IQSEC1: variants seen among roughly 807,000 people sequenced by gnomAD.
IQSEC1 encodes IQ motif and Sec7 domain ArfGEF 1, also known as IQ motif and SEC7 domain-containing protein 1.
A neutral mutation model predicts 91.0 loss-of-function variants in IQSEC1; 31 were observed. The observed-to-expected ratio is 0.34, with a 90% confidence interval of 0.26 to 0.46. The LOEUF is 0.46. Among genes scored for constraint, IQSEC1 ranks in the 20% least tolerant of loss-of-function variants. The pLI, the probability that IQSEC1 is intolerant of heterozygous loss-of-function variation, is 1.00. For synonymous variants in IQSEC1, 699 were observed against 662.6 expected (o/e 1.05, Z -0.84); for missense variants, 1,388 against 1,575.6 (o/e 0.88, Z 2.02).
At chr3:13,225,218 C>T (rs1422410061) in intron 1 of IQSEC1, among the ~76,000 whole-genome samples, 1 of 152,218 alleles carries the variant, frequency 6.6e-6, no homozygotes, top group African/African-American at 2.4e-5. Flanking sequence ...GGGGCATGAA[C>T]GTCCCTTTTG....
chr3:13,048,615 C>A (rs1184818298), intron 1 of IQSEC1, among the ~76,000 whole-genome samples: 1 of 152,226 alleles, frequency 6.6e-6, no homozygotes, highest in Non-Finnish European at 1.5e-5. Flanking sequence ...CTTTAGCCTC[C>A]GTTTCCCTAC....
chr3:13,010,802 C>T (rs1196795874), intron 1 of IQSEC1, among the ~76,000 whole-genome samples: 1 of 152,176 alleles, frequency 6.6e-6, no homozygotes, highest in Non-Finnish European at 1.5e-5. Flanking sequence ...GCTCTGGGCC[C>T]CACTTGCCTT....
Position 12,967,150 on chromosome 3 carries a change from G to C in IQSEC1, c.24-25285C>G, listed in dbSNP as rs546678923. Among the ~76,000 whole-genome samples the C allele has an allele frequency of 4.3e-4, 66 of 152,036 alleles. No homozygotes were observed. The highest frequency in any genetic ancestry group is 1.5e-3 in the African/African-American group (64 of 41,476). On this transcript the variant is annotated intron_variant, in intron 1 of 13. Coordinates refer to ENST00000613206, the MANE Select transcript of IQSEC1 (RefSeq NM_001134382.3). The surrounding 1 kb of genome is among the most constrained non-coding windows in gnomAD (Gnocchi z 5.9). Reference sequence around the variant, plus strand: ...GAGACCCTCCCAGGGCACACACAGCGCTCCTGTCCCAAGGGCGCGTCTCTC... The same window carrying C: ...GAGACCCTCCCAGGGCACACACAGCCCTCCTGTCCCAAGGGCGCGTCTCTC...
chr3:13,048,364 G>A (rs1019094580), intron 1 of IQSEC1, among the ~76,000 whole-genome samples: 1 of 152,180 alleles, frequency 6.6e-6, no homozygotes, highest in Non-Finnish European at 1.5e-5. Context: ...CTGCCCACCT[G>A]GGGAGCATCA....
chr3:12,955,949 GCTCT>G (rs753812534), intron 1 of IQSEC1, among the ~76,000 whole-genome samples: 74 of 152,336 alleles, frequency 4.9e-4, no homozygotes, highest in Non-Finnish European at 7.2e-4. Flanking sequence ...CACAAAACAT[GCTCT>G]CTGTGGCCCA....
intron 1 of IQSEC1, among the ~76,000 whole-genome samples, chr3:13,065,882 A>T (rs1285681076): frequency 6.6e-6 from 1 of 152,262 alleles, no homozygotes; most frequent in Non-Finnish European, 1.5e-5. Context: ...GTCCATCCGC[A>T]CAATGGAACA....
chr3:13,188,012 G>A (rs921118816), intron 1 of IQSEC1, among the ~76,000 whole-genome samples: 7 of 152,146 alleles, frequency 4.6e-5, no homozygotes, highest in Non-Finnish European at 1.0e-4. Context: ...ATGGATTCTG[G>A]GGGACACAGA....
rs139021556 is a variant in IQSEC1 at position 13,125,746 on chromosome 3, G to A, written c.302+38358C>T. Among the ~76,000 whole-genome samples the A allele has an allele frequency of 2.9e-3, 435 of 152,320 alleles. 4 individuals carry two copies. Among genetic ancestry groups the A allele is most frequent in the African/African-American group, 9.9e-3 (412 of 41,566 alleles). On this transcript the variant is annotated intron_variant, in intron 2 of 15. Transcript: ENST00000648114. ...CCTACTCATGCTGGCACTTGTTACA[G>A]AAGGAATGTAGACTCCAGACACCTC...
chr3:13,092,931 C>T (rs73014624), intron 2 of IQSEC1, among the ~76,000 whole-genome samples: 17,301 of 152,208 alleles, frequency 0.11, 1,037 homozygotes, highest in Middle Eastern at 0.21. Context: ...CTTCCCCCTC[C>T]CGTAGCCGGC....
At chr3:13,246,718 C>A (rs1205920351) in intron 1 of IQSEC1, among the ~76,000 whole-genome samples, 1 of 152,150 alleles carries the variant, frequency 6.6e-6, no homozygotes, top group Admixed American at 6.5e-5. Flanking sequence ...ACAGCTTGTT[C>A]ATCAGTGTGG....
chr3:13,084,469 A>G (rs1407628382), intron 2 of IQSEC1, among the ~76,000 whole-genome samples: 1 of 151,952 alleles, frequency 6.6e-6, no homozygotes, highest in East Asian at 1.9e-4. Context: ...TTTAGGCACC[A>G]GGACTTAGCA....
intron 1 of IQSEC1, among the ~76,000 whole-genome samples, chr3:13,248,617 G>A (rs1008666402): frequency 2.0e-5 from 3 of 152,194 alleles, no homozygotes; most frequent in African/African-American, 7.2e-5. Flanking sequence ...AGTACCCTTT[G>A]TGACTCTCAG....
intron 1 of IQSEC1, among the ~76,000 whole-genome samples, chr3:13,276,368 G>T (rs1241673332): frequency 6.6e-6 from 1 of 152,172 alleles, no homozygotes; most frequent in Non-Finnish European, 1.5e-5. Context: ...GATTATAGGT[G>T]TGAGCCACTG....
chr3:13,071,290 A>C (rs1705417477), intron 1 of IQSEC1, among the ~76,000 whole-genome samples: 2 of 152,000 alleles, frequency 1.3e-5, no homozygotes, highest in African/African-American at 4.8e-5. Context: ...CCCCATCTCT[A>C]AAATGGGGTT....
intron 1 of IQSEC1, among the ~76,000 whole-genome samples, chr3:13,236,694 C>G (rs1299547292): frequency 6.6e-6 from 1 of 152,194 alleles, no homozygotes; most frequent in Admixed American, 6.5e-5. Context: ...GAGAAGGCGC[C>G]AGCTCCACCC....
At chr3:13,092,864 C>T (rs941919626) in intron 2 of IQSEC1, among the ~76,000 whole-genome samples, 1 of 152,166 alleles carries the variant, frequency 6.6e-6, no homozygotes, top group African/African-American at 2.4e-5. Flanking sequence ...TCTCCAAGGC[C>T]GAACTTCTTC....
At chr3:13,136,569 C>A (rs930289749) in intron 2 of IQSEC1, among the ~76,000 whole-genome samples, 10 of 152,184 alleles carry the variant, frequency 6.6e-5, no homozygotes, top group Non-Finnish European at 1.5e-4. Context: ...ACAGACAGAG[C>A]TCGCATGTGT....
intron 2 of IQSEC1, among the ~76,000 whole-genome samples, chr3:13,132,521 A>G (rs1706637920): frequency 6.6e-6 from 1 of 152,214 alleles, no homozygotes; most frequent in Non-Finnish European, 1.5e-5. Flanking sequence ...GTTTCAAGGC[A>G]ACTCCAGCTG....
intron 1 of IQSEC1, among the ~76,000 whole-genome samples, chr3:13,050,923 A>G (rs1704669458): frequency 6.6e-6 from 1 of 152,234 alleles, no homozygotes; most frequent in Non-Finnish European, 1.5e-5. Flanking sequence ...ATTTTTTAAC[A>G]CATTAACTCT....
Sources: gnomAD v4.1 joint callset for allele counts (sites outside exome capture counted in the v4.1 genomes callset) on GRCh38, gnomAD v4.1.1 for gene constraint, Gnocchi (gnomAD v3.1) non-coding constraint, MANE v1.5 for transcripts, NCBI Gene and HGNC (gene_info 2026-07-23, HGNC 2026-07-21) for gene names.